The following CLVS1 variants were observed in gnomAD, a reference collection of about 807,000 sequenced individuals.
CLVS1 encodes clavesin 1.
CLVS1 carries 10 observed loss-of-function variants against 33.1 expected under a neutral mutation model. That is an observed-to-expected ratio of 0.30 (90% CI 0.19 to 0.51). The LOEUF (loss-of-function observed/expected upper bound fraction) is 0.51, where lower values mean the gene tolerates loss of function less well. Among genes scored for constraint, CLVS1 ranks in the 20% least tolerant of loss-of-function variants. The pLI, the probability that CLVS1 is intolerant of heterozygous loss-of-function variation, is 0.97. For missense variants in CLVS1, 343 were observed against 433.4 expected, an observed-to-expected ratio of 0.79 and a Z score of 1.85; for synonymous variants, 163 against 166.1, an observed-to-expected ratio of 0.98 and a Z score of 0.14.
At chr8:61,279,027 A>T (rs372879217) in intron 2 of CLVS1, among the ~76,000 whole-genome samples, 2 of 152,242 alleles carry the variant, frequency 1.3e-5, no homozygotes. Flanking sequence ...GTCATTAGCC[A>T]TAGTGGGCCA....
At chr8:61,464,372 T>C (rs11984936) in intron 5 of CLVS1, among the ~76,000 whole-genome samples, 25,261 of 152,200 alleles carry the variant, frequency 0.17, 5,870 homozygotes, top group African/African-American at 0.52. Flanking sequence ...GCTTCAAAAC[T>C]GATTAGTTGG....
At chr8:61,468,224 G>T (rs1344859686) in intron 5 of CLVS1, among the ~76,000 whole-genome samples, 1 of 152,160 alleles carries the variant, frequency 6.6e-6, no homozygotes, top group Non-Finnish European at 1.5e-5. Context: ...GAGTCTTGGG[G>T]ATTTTTCTGT....
At chr8:61,229,076 A>G (rs1221677347) in intron 2 of CLVS1, among the ~76,000 whole-genome samples, 1 of 152,040 alleles carries the variant, frequency 6.6e-6, no homozygotes, top group Non-Finnish European at 1.5e-5. Flanking sequence ...ATCTTTTTTG[A>G]TGATTGATGA....
chr8:61,378,241 C>G (rs1011966601), intron 3 of CLVS1: 1 of 152,056 alleles, frequency 6.6e-6, no homozygotes, highest in African/African-American at 2.4e-5. Flanking sequence ...CAAGTTCTAG[C>G]CCTTTATACA....
chr8:60,977,700 C>T, the CLVS1 span, among the ~76,000 whole-genome samples: 6 of 151,972 alleles, frequency 3.9e-5, no homozygotes, highest in African/African-American at 1.4e-4. Flanking sequence ...ATTAAACACA[C>T]CAACATACAA....
the CLVS1 span, among the ~76,000 whole-genome samples, chr8:61,015,245 G>A: frequency 6.6e-6 from 1 of 152,204 alleles, no homozygotes; most frequent in Non-Finnish European, 1.5e-5. Context: ...AACCTATGAG[G>A]TATTTACTAG....
intron 2 of CLVS1, among the ~76,000 whole-genome samples, chr8:61,265,847 C>A (rs1160294669): frequency 6.6e-6 from 1 of 152,206 alleles, no homozygotes; most frequent in Non-Finnish European, 1.5e-5. Flanking sequence ...TCAGAATGAG[C>A]TAGCATGCCA....
intron 3 of CLVS1, among the ~76,000 whole-genome samples, chr8:61,397,763 A>G (rs1389030224): frequency 6.6e-6 from 1 of 152,134 alleles, no homozygotes; most frequent in Non-Finnish European, 1.5e-5. Flanking sequence ...AAGACTATTC[A>G]TTTCTCATTG....
chr8:61,156,382 T>A (rs1038086508), intron 2 of CLVS1, among the ~76,000 whole-genome samples: 3 of 152,132 alleles, frequency 2.0e-5, no homozygotes, highest in African/African-American at 4.8e-5. Context: ...ACACTTCGGA[T>A]ATGGCTCGTG....
At chr8:61,092,194 T>C (rs1269106679) in intron 1 of CLVS1, among the ~76,000 whole-genome samples, 1 of 152,246 alleles carries the variant, frequency 6.6e-6, no homozygotes, top group Non-Finnish European at 1.5e-5. Flanking sequence ...TTTTTCCCCT[T>C]TGCATTTGAA....
chr8:61,127,329 C>T (rs1402265247), intron 1 of CLVS1, among the ~76,000 whole-genome samples: 3 of 152,060 alleles, frequency 2.0e-5, no homozygotes, highest in African/African-American at 7.3e-5. Flanking sequence ...ATTCTTCTGC[C>T]TCAGCCTCCT....
chr8:61,442,666 C>G (rs561093389), intron 3 of CLVS1, among the ~76,000 whole-genome samples: 3 of 152,244 alleles, frequency 2.0e-5, no homozygotes, highest in Admixed American at 2.0e-4. Flanking sequence ...GTGGCGCGAT[C>G]TTGGCTCACC....
chr8:61,153,973 C>T (rs1254081248), intron 2 of CLVS1, among the ~76,000 whole-genome samples: 1 of 152,144 alleles, frequency 6.6e-6, no homozygotes, highest in Non-Finnish European at 1.5e-5. Flanking sequence ...TTTTTAGCTA[C>T]ATCCCTAGGT....
intron 3 of CLVS1, among the ~76,000 whole-genome samples, chr8:61,451,550 A>C (rs1816953312): frequency 6.6e-6 from 1 of 152,118 alleles, no homozygotes; most frequent in African/African-American, 2.4e-5. Flanking sequence ...CTGAAAGACA[A>C]AGTGTTACAC....
In CLVS1 at chr8:61,499,629, C is replaced by A; in HGVS notation, c.*87C>A. On this transcript the variant is annotated 3_prime_UTR_variant, in exon 6 of 6. Coordinates refer to ENST00000325897, the MANE Select transcript of CLVS1 (RefSeq NM_173519.3). ...CACATGCACAACTGACCCATGCAGA[C>A]ACGTGTGTTCTGCTTGACACAAGGT... 1 of 892,278 alleles carries A rather than the reference C, an allele frequency of 1.1e-6. No individual in the cohort carries two copies. The highest frequency in any genetic ancestry group is 1.8e-6 in the Non-Finnish European group (1 of 543,100). 55.3% of individuals were successfully genotyped at this position (892,278 alleles called of 1,614,324 possible).
the CLVS1 span, among the ~76,000 whole-genome samples, chr8:61,043,980 A>C: frequency 6.6e-6 from 1 of 152,230 alleles, no homozygotes; most frequent in Non-Finnish European, 1.5e-5. Context: ...AGAAAGATGC[A>C]TAATTGTTAG....
At chr8:61,456,991 GCAGTGGCGTGATCT>G (rs1817190630) in intron 4 of CLVS1, among the ~76,000 whole-genome samples, 1 of 151,174 alleles carries the variant, frequency 6.6e-6, no homozygotes, top group African/African-American at 2.4e-5. Context: ...AGGCTGGAGT[GCAGTGGCGTGATCT>G]CAGCCCACTG....
At chr8:61,215,954 C>A (rs1013787197) in intron 2 of CLVS1, among the ~76,000 whole-genome samples, 8 of 152,084 alleles carry the variant, frequency 5.3e-5, no homozygotes, top group African/African-American at 1.9e-4. Context: ...GTGAACACAG[C>A]AACTGAGCAG....
At chr8:61,009,625 A>G in the CLVS1 span, among the ~76,000 whole-genome samples, 1 of 151,998 alleles carries the variant, frequency 6.6e-6, no homozygotes, top group African/African-American at 2.4e-5. Context: ...TGTTTTTCTT[A>G]TTGGTCTGTA....
Sources: gnomAD v4.1 joint callset for allele counts (sites outside exome capture counted in the v4.1 genomes callset) on GRCh38, gnomAD v4.1.1 for gene constraint, MANE v1.5 for transcripts, NCBI Gene and HGNC (gene_info 2026-07-23, HGNC 2026-07-21) for gene names.